PPFIA2: variants seen among roughly 807,000 people sequenced by gnomAD.
PPFIA2 encodes the protein PPFI scaffold protein A2.
In PPFIA2, 46 loss-of-function variants were observed where a neutral mutation model predicts 175.5. That is an observed-to-expected ratio of 0.26 (90% CI 0.21 to 0.34). PPFIA2 has a LOEUF of 0.34. Ranked by LOEUF, PPFIA2 falls within the 10% of genes least tolerant of loss-of-function variation. PPFIA2 has a pLI of 1.00. For synonymous variants in PPFIA2, 568 were observed against 511.4 expected (o/e 1.11, Z -1.49); for missense variants, 1,179 against 1,506.1 (o/e 0.78, Z 3.60).
At chr12:81,413,323 A>G (rs1333694330) in intron 7 of PPFIA2, among the ~76,000 whole-genome samples, 1 of 151,876 alleles carries the variant, frequency 6.6e-6, no homozygotes, top group Non-Finnish European at 1.5e-5. Flanking sequence ...TGTTCACAGG[A>G]TGTATACATG....
chr12:81,487,342 GTTT>G lies in PPFIA2; in HGVS notation c.304-29479_304-29477del, dbSNP rs1266260052. Among the ~76,000 whole-genome samples, 4 of 151,714 alleles carry G rather than the reference GTTT, an allele frequency of 2.6e-5. 1 individual carries two copies. In the East Asian group the frequency reaches 7.7e-4, roughly 29 times the overall value. Reference sequence around the variant, plus strand: ...GGGAAATTTAGTTTACCTTTTTTGTGTTTTATCTTATTAATCTGTAAAACACGG... The same window carrying G: ...GGGAAATTTAGTTTACCTTTTTTGTGTATCTTATTAATCTGTAAAACACGG... On this transcript the variant is annotated intron_variant, in intron 4 of 32. Coordinates refer to ENST00000549396, the MANE Select transcript of PPFIA2 (RefSeq NM_003625.5).
intron 4 of PPFIA2, chr12:81,546,123 C>CA (rs11432193): frequency 0.36 from 22,992 of 64,280 alleles, 3,814 homozygotes; most frequent in African/African-American, 0.48. Flanking sequence ...GACTGTGTCT[C>CA]AAAAAAAAAA....
At chr12:81,385,520 T>G (rs2038731786) in intron 8 of PPFIA2, among the ~76,000 whole-genome samples, 1 of 152,140 alleles carries the variant, frequency 6.6e-6, no homozygotes, top group South Asian at 2.1e-4. Flanking sequence ...GAAATCCTAT[T>G]CAGTTTCTAA....
chr12:81,498,117 C>T (rs984999274), intron 4 of PPFIA2, among the ~76,000 whole-genome samples: 2 of 152,076 alleles, frequency 1.3e-5, no homozygotes, highest in Non-Finnish European at 2.9e-5. Context: ...AGATTTTTTT[C>T]TCAAATTTAG....
intron 9 of PPFIA2, among the ~76,000 whole-genome samples, chr12:81,379,310 T>C (rs1186586246): frequency 5.9e-5 from 9 of 152,186 alleles, no homozygotes; most frequent in Non-Finnish European, 1.3e-4. Flanking sequence ...AGTTCATGTA[T>C]AAATTGGATT....
At chr12:81,360,712 C>T (rs1327402841) in intron 15 of PPFIA2, among the ~76,000 whole-genome samples, 4 of 151,552 alleles carry the variant, frequency 2.6e-5, no homozygotes, top group Non-Finnish European at 5.9e-5. Context: ...ATTACTTGTC[C>T]TCAGAAGCAT....
chr12:81,479,877 A>T (rs779646774), intron 4 of PPFIA2, among the ~76,000 whole-genome samples: 3 of 151,966 alleles, frequency 2.0e-5, no homozygotes, highest in Non-Finnish European at 4.4e-5. Flanking sequence ...TCTGATGATT[A>T]TGTGTCTTGG....
intron 4 of PPFIA2, among the ~76,000 whole-genome samples, chr12:81,602,005 T>C (rs889380128): frequency 6.6e-6 from 1 of 151,894 alleles, no homozygotes; most frequent in African/African-American, 2.4e-5. Flanking sequence ...GCACATAATT[T>C]TATTTTACTA....
intron 4 of PPFIA2, among the ~76,000 whole-genome samples, chr12:81,554,180 G>C (rs904858486): frequency 1.3e-5 from 2 of 152,012 alleles, no homozygotes; most frequent in Non-Finnish European, 2.9e-5. Context: ...ACAGTAGGAA[G>C]AAGGGGATAC....
At chr12:81,728,261 G>T (rs1245978419) in intron 3 of PPFIA2, among the ~76,000 whole-genome samples, 1 of 151,322 alleles carries the variant, frequency 6.6e-6, no homozygotes, top group Non-Finnish European at 1.5e-5. Context: ...GCTAAGAATG[G>T]TTGAGAGTAT....
At chr12:81,648,273 T>C (rs940853474) in intron 4 of PPFIA2, among the ~76,000 whole-genome samples, 2 of 151,868 alleles carry the variant, frequency 1.3e-5, no homozygotes, top group Non-Finnish European at 2.9e-5. Context: ...AAGAACTTGC[T>C]CAGTTTAAAA....
chr12:81,362,893 T>C (rs1443145119), intron 14 of PPFIA2, 109 bp from the exon 15 acceptor site: 1 of 633,600 alleles, frequency 1.6e-6, no homozygotes, highest in South Asian at 2.5e-5. Flanking sequence ...GATATATTTT[T>C]ATTAAAGGTT....
chr12:81,442,653 T>A (rs917727759), intron 6 of PPFIA2, among the ~76,000 whole-genome samples: 4 of 150,900 alleles, frequency 2.7e-5, no homozygotes, highest in African/African-American at 9.7e-5. Flanking sequence ...TAATTATGAA[T>A]ATTCTATGCT....
chr12:81,467,414 C>T (rs192969056), intron 4 of PPFIA2, among the ~76,000 whole-genome samples: 4 of 152,238 alleles, frequency 2.6e-5, no homozygotes, highest in Admixed American at 6.5e-5. Flanking sequence ...TCTGGCCAGG[C>T]GTGGTGGCTC....
At chr12:81,664,952 C>T (rs1307550099) in intron 4 of PPFIA2, among the ~76,000 whole-genome samples, 2 of 152,040 alleles carry the variant, frequency 1.3e-5, no homozygotes, top group Non-Finnish European at 2.9e-5. Context: ...AAACCAAACA[C>T]CACATGTTCT....
chr12:81,709,834 C>T (rs2077664278), intron 3 of PPFIA2, among the ~76,000 whole-genome samples: 1 of 151,876 alleles, frequency 6.6e-6, no homozygotes, highest in African/African-American at 2.4e-5. Context: ...TGATTGTTTT[C>T]TCAGGATAAA....
chr12:81,513,112 A>G lies in PPFIA2; in HGVS notation c.304-55246T>C, dbSNP rs186671731. Among the ~76,000 whole-genome samples the G allele has an allele frequency of 4.6e-5, 7 of 152,264 alleles. No homozygotes were observed. The East Asian group carries it at 1.2e-3, about 25-fold the overall frequency. ...AAAGGACATGAATAGACAATTTTCA[A>G]TAGAAGATATACAAATGGCCAACAA... On this transcript the variant is annotated intron_variant, in intron 4 of 32. Transcript: ENST00000549396.
intron 7 of PPFIA2, among the ~76,000 whole-genome samples, chr12:81,425,543 T>A (rs749420369): frequency 6.6e-6 from 1 of 152,098 alleles, no homozygotes; most frequent in Non-Finnish European, 1.5e-5. Context: ...TATTTACTTA[T>A]TTTTAGTAGA....
chr12:81,583,865 A>ATGGT (rs1345030449), intron 4 of PPFIA2, among the ~76,000 whole-genome samples: 4 of 151,946 alleles, frequency 2.6e-5, no homozygotes, highest in African/African-American at 9.7e-5. Flanking sequence ...TTCATGGCCC[A>ATGGT]TTGGCCAGCC....
Sources: gnomAD v4.1 joint callset for allele counts (sites outside exome capture counted in the v4.1 genomes callset) on GRCh38, gnomAD v4.1.1 for gene constraint, MANE v1.5 for transcripts, NCBI Gene and HGNC (gene_info 2026-07-23, HGNC 2026-07-21) for gene names.